Variants in ERBB4 observed in about 807,000 individuals in gnomAD.
The protein encoded by ERBB4 is receptor tyrosine-protein kinase erbB-4.
Under a neutral mutation model 158.0 loss-of-function variants are expected in ERBB4, and 42 were observed. The observed-to-expected ratio is 0.27, with a 90% CI of 0.21 to 0.34. The LOEUF is 0.34. Ranked by LOEUF, ERBB4 falls within the 10% of genes least tolerant of loss-of-function variation. The pLI is 1.00. For synonymous variants in ERBB4, 583 were observed against 558.7 expected, an observed-to-expected ratio of 1.04 and a Z score of -0.61; for missense variants, 1,333 against 1,624.1, an observed-to-expected ratio of 0.82 and a Z score of 3.08.
intron 14 of ERBB4, among the ~76,000 whole-genome samples, chr2:211,669,271 C>G (rs1181873904): frequency 7.1e-6 from 1 of 140,894 alleles, no homozygotes; most frequent in Non-Finnish European, 1.6e-5. Context: ...CAACTATGTA[C>G]TTTACATGAA....
chr2:211,613,617 A>G (rs2125836814), intron 19 of ERBB4, among the ~76,000 whole-genome samples: 1 of 152,222 alleles, frequency 6.6e-6, no homozygotes, highest in East Asian at 1.9e-4. Flanking sequence ...ACTTGAATAG[A>G]CATTTCTCAT....
At position 212,127,578 on chromosome 2, in the gene ERBB4, C is replaced by T. The variant is rs575260297; in HGVS notation, c.83-2675G>A. Among the ~76,000 whole-genome samples the T allele has an allele frequency of 1.2e-4, 18 of 152,152 alleles. No homozygotes were observed. The East Asian group carries it at 3.3e-3, about 28-fold the overall frequency. ...CTGCACTCCAGCCTGGGCAACAGAG[C>T]GAGACTCCATCTCATAAATAAATAA... On this transcript the variant is annotated intron_variant, in intron 1 of 27. Coordinates refer to ENST00000342788, the MANE Select transcript of ERBB4 (RefSeq NM_005235.3).
At chr2:211,790,156 T>C (rs977086194) in intron 3 of ERBB4, among the ~76,000 whole-genome samples, 2 of 152,106 alleles carry the variant, frequency 1.3e-5, no homozygotes, top group Non-Finnish European at 2.9e-5. Flanking sequence ...AGTTTTTATC[T>C]ACGAAATGTG....
intron 1 of ERBB4, among the ~76,000 whole-genome samples, chr2:212,161,905 C>T (rs2125649786): frequency 6.6e-6 from 1 of 151,902 alleles, no homozygotes; most frequent in Admixed American, 6.6e-5. Flanking sequence ...ATCTTTGCTT[C>T]CATTTTTCAT....
rs985946116 is a variant in ERBB4, at chr2:211,969,415, A to G, written c.235-21799T>C. On this transcript the variant is annotated intron_variant, in intron 2 of 27. Transcript: ENST00000342788. Reference sequence around the variant, plus strand: ...TGGTTTATCATATGTAATAATATTTATGCTAATTGTATAGTGAACTACATA... The same window carrying G: ...TGGTTTATCATATGTAATAATATTTGTGCTAATTGTATAGTGAACTACATA... 3.9e-5 allele frequency among the ~76,000 whole-genome samples: 6 copies of G among 152,188 alleles called. No individual in the cohort carries two copies. The East Asian group carries it at 1.2e-3, about 29-fold the overall frequency.
At chr2:212,460,571 T>C (rs1017720755) in intron 1 of ERBB4, among the ~76,000 whole-genome samples, 2 of 152,180 alleles carry the variant, frequency 1.3e-5, no homozygotes, top group African/African-American at 2.4e-5. Context: ...GCCCCTGCCC[T>C]AGAGATTTGT....
chr2:211,546,829 A>T (rs1291224420), intron 20 of ERBB4, among the ~76,000 whole-genome samples: 2 of 152,116 alleles, frequency 1.3e-5, no homozygotes, highest in Non-Finnish European at 2.9e-5. Flanking sequence ...TTGTATGCCC[A>T]TTTTAGCGTG....
intron 2 of ERBB4, among the ~76,000 whole-genome samples, chr2:212,044,105 G>T (rs1366402790): frequency 2.0e-5 from 3 of 151,918 alleles, no homozygotes; most frequent in East Asian, 1.9e-4. Context: ...ATTGTCTAGG[G>T]TCATAAATTT....
chr2:212,407,371 G>C (rs113800636), intron 1 of ERBB4, among the ~76,000 whole-genome samples: 1,802 of 151,954 alleles, frequency 0.012, 34 homozygotes, highest in African/African-American at 0.041. Context: ...TTCATTTATT[G>C]TCATAACAAT....
chr2:212,470,574 A>G (rs1689067935), intron 1 of ERBB4, among the ~76,000 whole-genome samples: 1 of 152,102 alleles, frequency 6.6e-6, no homozygotes, highest in South Asian at 2.1e-4. Flanking sequence ...GTTGGCAGCT[A>G]TTGTCCAACT....
At chr2:211,864,886 C>T (rs1318923741) in intron 3 of ERBB4, among the ~76,000 whole-genome samples, 1 of 152,086 alleles carries the variant, frequency 6.6e-6, no homozygotes, top group Non-Finnish European at 1.5e-5. Flanking sequence ...TGGTGGGTGC[C>T]TGTAATCCCA....
At chr2:211,689,467 G>A (rs2072710552) in intron 12 of ERBB4, among the ~76,000 whole-genome samples, 1 of 151,976 alleles carries the variant, frequency 6.6e-6, no homozygotes, top group South Asian at 2.1e-4. Flanking sequence ...CAAAGTGCTG[G>A]GATTACAGGC....
intron 19 of ERBB4, among the ~76,000 whole-genome samples, chr2:211,611,441 C>T (rs868177149): frequency 5.5e-4 from 81 of 147,674 alleles, no homozygotes; most frequent in African/African-American, 2.1e-3. Context: ...CTTTTGCTTT[C>T]GCTTTAATGA....
At chr2:212,211,052 T>C (rs73987286) in intron 1 of ERBB4, among the ~76,000 whole-genome samples, 5,382 of 152,232 alleles carry the variant, frequency 0.035, 288 homozygotes, top group African/African-American at 0.12. Context: ...CCCAGTAAGC[T>C]GATGGTCATC....
chr2:212,516,532 G>T (rs1691853591), intron 1 of ERBB4, among the ~76,000 whole-genome samples: 3 of 152,014 alleles, frequency 2.0e-5, no homozygotes, highest in Admixed American at 6.6e-5. Flanking sequence ...TGGAAAAGAT[G>T]ATCATATAAG....
chr2:211,492,644 T>G (rs1189677040), intron 20 of ERBB4, among the ~76,000 whole-genome samples: 1 of 151,996 alleles, frequency 6.6e-6, no homozygotes, highest in Non-Finnish European at 1.5e-5. Flanking sequence ...AACAACAATT[T>G]TAAAAAACAG....
chr2:212,111,236 C>A (rs2079396331), intron 2 of ERBB4, among the ~76,000 whole-genome samples: 1 of 152,150 alleles, frequency 6.6e-6, no homozygotes, highest in Admixed American at 6.5e-5. Flanking sequence ...TTTATTAAGT[C>A]TTTCCTTATA....
intron 17 of ERBB4, among the ~76,000 whole-genome samples, chr2:211,628,603 T>A (rs2069960259): frequency 6.6e-6 from 1 of 152,232 alleles, no homozygotes; most frequent in Non-Finnish European, 1.5e-5. Context: ...AAGTCTTTGC[T>A]ATTGTGAATA....
intron 3 of ERBB4, among the ~76,000 whole-genome samples, chr2:211,850,337 T>C (rs2077688038): frequency 6.6e-6 from 1 of 151,858 alleles, no homozygotes; most frequent in African/African-American, 2.4e-5. Context: ...TTTATTCATA[T>C]ACATATTCAT....
Sources: allele counts gnomAD v4.1 joint callset (sites outside exome capture counted in the v4.1 genomes callset), GRCh38; gene constraint gnomAD v4.1.1; transcripts MANE v1.5; gene names NCBI Gene and HGNC (gene_info 2026-07-23, HGNC 2026-07-21).